Variants in ASIC2 observed in about 807,000 individuals in gnomAD.
ASIC2 encodes the protein acid sensing ion channel subunit 2.
ASIC2 carries 25 observed loss-of-function variants against 57.3 expected under a neutral mutation model. That is an observed-to-expected ratio of 0.44 (90% CI 0.32 to 0.61). The LOEUF is 0.61. ASIC2 is among the 20% of genes least tolerant of loss of function. The probability of loss-of-function intolerance (pLI) is 0.06; values close to 1 mark genes in which losing one functional copy is unlikely to be tolerated. For missense variants in ASIC2, 641 were observed against 738.1 expected, an observed-to-expected ratio of 0.87 and a Z score of 1.52; for synonymous variants, 319 against 307.5, an observed-to-expected ratio of 1.04 and a Z score of -0.39.
chr17:33,633,971 T>A (rs547418901), intron 1 of ASIC2, among the ~76,000 whole-genome samples: 1 of 152,332 alleles, frequency 6.6e-6, no homozygotes, highest in Non-Finnish European at 1.5e-5. Flanking sequence ...CCTTAATCTG[T>A]GTCCCAGGAT....
At chr17:33,073,931 G>A (rs1368654341) in intron 3 of ASIC2, among the ~76,000 whole-genome samples, 5 of 152,130 alleles carry the variant, frequency 3.3e-5, no homozygotes, top group Non-Finnish European at 5.9e-5. Flanking sequence ...AGAGGGGAGA[G>A]AGGACAAGGG....
chr17:33,388,245 C>A (rs1909767640), intron 1 of ASIC2, among the ~76,000 whole-genome samples: 1 of 152,258 alleles, frequency 6.6e-6, no homozygotes, highest in South Asian at 2.1e-4. Flanking sequence ...GTGGAATCGA[C>A]TCTTCCCCAG....
chr17:34,060,207 G>C (rs940074663), intron 1 of ASIC2, among the ~76,000 whole-genome samples: 1 of 152,224 alleles, frequency 6.6e-6, no homozygotes, highest in African/African-American at 2.4e-5. Context: ...CCTGGAGCCA[G>C]GTAGGCTCAC....
intron 1 of ASIC2, among the ~76,000 whole-genome samples, chr17:33,898,911 A>C (rs1278653064): frequency 6.6e-6 from 1 of 152,082 alleles, no homozygotes; most frequent in East Asian, 1.9e-4. Flanking sequence ...TTCCATACTT[A>C]CTTCCAAAGT....
chr17:33,991,229 CAG>C (rs1905991210), intron 1 of ASIC2, among the ~76,000 whole-genome samples: 1 of 152,154 alleles, frequency 6.6e-6, no homozygotes. Flanking sequence ...ATGATGGAGT[CAG>C]AGAAAATATT....
intron 1 of ASIC2, among the ~76,000 whole-genome samples, chr17:33,847,194 G>C (rs1035657777): frequency 6.6e-6 from 1 of 151,614 alleles, no homozygotes; most frequent in African/African-American, 2.4e-5. Flanking sequence ...ACAGGAGAAA[G>C]TTTCTAGTAG....
At chr17:33,826,451 C>T (rs1031349405) in intron 1 of ASIC2, among the ~76,000 whole-genome samples, 3 of 152,108 alleles carry the variant, frequency 2.0e-5, no homozygotes, top group East Asian at 1.9e-4. Flanking sequence ...TGCGAGGTCC[C>T]GTGATCTCAG....
At chr17:33,143,486 C>A (rs886161485) in intron 1 of ASIC2, among the ~76,000 whole-genome samples, 1 of 152,068 alleles carries the variant, frequency 6.6e-6, no homozygotes, top group African/African-American at 2.4e-5. Flanking sequence ...TCAAATAACC[C>A]AGTTAGAAAA....
intron 1 of ASIC2, among the ~76,000 whole-genome samples, chr17:33,380,245 C>CAAAAAAAAAAAAAAA (rs10586872): frequency 3.0e-4 from 21 of 71,050 alleles, no homozygotes; most frequent in South Asian, 7.6e-4. Flanking sequence ...AACCCTGTCT[C>CAAAAAAAAAAAAAAA]AAAAAAAAAA....
intron 1 of ASIC2, among the ~76,000 whole-genome samples, chr17:33,201,120 T>C (rs1180502209): frequency 6.6e-6 from 1 of 152,242 alleles, no homozygotes; most frequent in East Asian, 1.9e-4. Flanking sequence ...TTTATTTTTC[T>C]TCTTAGCACT....
intron 1 of ASIC2, among the ~76,000 whole-genome samples, chr17:34,113,714 CA>C (rs548561368): frequency 4.2e-4 from 58 of 137,376 alleles, no homozygotes; most frequent in African/African-American, 7.0e-4. Flanking sequence ...CTTGTCTGTA[CA>C]AAAAAAAAAA....
At chr17:34,091,741 A>G (rs994502034) in intron 1 of ASIC2, among the ~76,000 whole-genome samples, 1 of 152,244 alleles carries the variant, frequency 6.6e-6, no homozygotes, top group Non-Finnish European at 1.5e-5. Context: ...AGTGAAAATG[A>G]GTTGAAGCTG....
intron 1 of ASIC2, among the ~76,000 whole-genome samples, chr17:34,035,494 AC>A (rs1195983329): frequency 2.7e-5 from 4 of 150,606 alleles, no homozygotes; most frequent in Non-Finnish European, 5.9e-5. Flanking sequence ...TGTCTAAAAC[AC>A]CAAAAGCAAT....
chr17:33,095,479 C>T (rs2092174903), intron 2 of ASIC2, among the ~76,000 whole-genome samples: 1 of 152,244 alleles, frequency 6.6e-6, no homozygotes, highest in Non-Finnish European at 1.5e-5. Flanking sequence ...CTCAAAAATG[C>T]TTGGTGAAGT....
intron 1 of ASIC2, among the ~76,000 whole-genome samples, chr17:33,737,367 A>C (rs1201194672): frequency 2.0e-5 from 3 of 152,166 alleles, no homozygotes. Context: ...CCATGCTGTG[A>C]CTCCCTAAAT....
Position 33,469,183 on chromosome 17 carries a change from C to G in ASIC2, c.556-357116G>C, listed in dbSNP as rs150140651. The stretch of plus-strand genomic sequence containing the variant: ...ACAGGTACTATGGAGTGCCTTAGAA[C>G]CAGGCCACAGCTAGAGACAGGGCTG... On this transcript the variant is annotated intron_variant, in intron 1 of 9. Transcript: ENST00000359872. Among the ~76,000 whole-genome samples, 182 of 152,300 alleles carry G rather than the reference C, an allele frequency of 1.2e-3. 1 individual carries two copies. The highest frequency in any genetic ancestry group is 4.1e-3 in the African/African-American group (170 of 41,550).
At chr17:34,017,262 T>C (rs943539172) in intron 1 of ASIC2, among the ~76,000 whole-genome samples, 2 of 152,186 alleles carry the variant, frequency 1.3e-5, no homozygotes, top group African/African-American at 4.8e-5. Context: ...GATGTAATTG[T>C]TTGGGGGCAT....
intron 1 of ASIC2, among the ~76,000 whole-genome samples, chr17:33,120,142 T>G (rs533186359): frequency 1.3e-3 from 197 of 152,294 alleles, no homozygotes; most frequent in African/African-American, 4.6e-3. Context: ...TGGAATAAGG[T>G]TTAGCATTAT....
At chr17:34,097,573 TGA>T (rs1910592541) in intron 1 of ASIC2, among the ~76,000 whole-genome samples, 1 of 152,158 alleles carries the variant, frequency 6.6e-6, no homozygotes, top group Non-Finnish European at 1.5e-5. Context: ...GATGTTCTTG[TGA>T]GAGAGAAAAA....
Sources: allele counts gnomAD v4.1 joint callset (sites outside exome capture counted in the v4.1 genomes callset), GRCh38; gene constraint gnomAD v4.1.1; transcripts MANE v1.5; gene names NCBI Gene and HGNC (gene_info 2026-07-23, HGNC 2026-07-21).